Variants in DLGAP1 observed in about 807,000 individuals in gnomAD.
DLGAP1 encodes disks large-associated protein 1.
In DLGAP1, 11 loss-of-function variants were observed where a neutral mutation model predicts 90.8. That is an observed-to-expected ratio of 0.12 (90% CI 0.08 to 0.20). The LOEUF is 0.20. DLGAP1 is among the 10% of genes least tolerant of loss of function. DLGAP1 has a pLI of 1.00. For missense variants in DLGAP1, 1,050 were observed against 1,333.8 expected (o/e 0.79, Z 3.31); for synonymous variants, 558 against 540.7 (o/e 1.03, Z -0.44).
At chr18:3,531,546 C>T (rs925749895) in intron 10 of DLGAP1, among the ~76,000 whole-genome samples, 1 of 152,102 alleles carries the variant, frequency 6.6e-6, no homozygotes, top group East Asian at 1.9e-4. Flanking sequence ...GCAGTAGCTG[C>T]GATCTCTGTT....
At chr18:4,334,036 C>T (rs950473370) in intron 1 of DLGAP1, among the ~76,000 whole-genome samples, 4 of 151,476 alleles carry the variant, frequency 2.6e-5, no homozygotes, top group East Asian at 2.0e-4. Context: ...GCCAGGAGTT[C>T]GAGACCAGCC....
intron 3 of DLGAP1, among the ~76,000 whole-genome samples, chr18:3,940,474 T>A (rs1331123349): frequency 6.6e-6 from 1 of 152,232 alleles, no homozygotes; most frequent in Non-Finnish European, 1.5e-5. Context: ...TCTGTACTCT[T>A]TCCTTCAGAA....
chr18:4,247,586 C>T (rs747737697), intron 1 of DLGAP1, among the ~76,000 whole-genome samples: 1 of 151,910 alleles, frequency 6.6e-6, no homozygotes, highest in Non-Finnish European at 1.5e-5. Flanking sequence ...GACCAGTCTG[C>T]CCAACATGGC....
At chr18:4,261,790 T>C (rs1397235637) in intron 1 of DLGAP1, among the ~76,000 whole-genome samples, 1 of 152,154 alleles carries the variant, frequency 6.6e-6, no homozygotes, top group Non-Finnish European at 1.5e-5. Context: ...TAAATGAACT[T>C]CCTTAATCAC....
At chr18:4,242,634 G>A (rs543596310) in intron 1 of DLGAP1, among the ~76,000 whole-genome samples, 3 of 152,280 alleles carry the variant, frequency 2.0e-5, no homozygotes, top group African/African-American at 7.2e-5. Context: ...GGAAGGGCAG[G>A]CAGTGGCACT....
intron 5 of DLGAP1, among the ~76,000 whole-genome samples, chr18:3,751,407 T>G (rs930122103): frequency 2.0e-5 from 3 of 151,618 alleles, no homozygotes; most frequent in Non-Finnish European, 4.4e-5. Flanking sequence ...AGCAATCCTC[T>G]CATTTCAGTC....
At chr18:4,071,906 G>A (rs944586206) in intron 2 of DLGAP1, among the ~76,000 whole-genome samples, 1 of 152,176 alleles carries the variant, frequency 6.6e-6, no homozygotes, top group Non-Finnish European at 1.5e-5. Flanking sequence ...CCCCCTCAGA[G>A]CTGTACTTCA....
chr18:3,515,503 G>A (rs1474219766), intron 10 of DLGAP1, among the ~76,000 whole-genome samples: 1 of 147,216 alleles, frequency 6.8e-6, no homozygotes, highest in East Asian at 2.0e-4. Context: ...TCAAGGCTGG[G>A]CGTGGTGGCT....
chr18:4,013,635 T>G (rs959826185), intron 2 of DLGAP1: 3 of 152,236 alleles, frequency 2.0e-5, no homozygotes, highest in African/African-American at 7.2e-5. Context: ...TTTCTCATAC[T>G]TCCGGAGAAA....
At chr18:3,650,837 G>A (rs1027088546) in intron 7 of DLGAP1, among the ~76,000 whole-genome samples, 32 of 152,292 alleles carry the variant, frequency 2.1e-4, no homozygotes, top group African/African-American at 7.5e-4. Context: ...GGGAGGCCAA[G>A]GTGGGCGGAT....
At chr18:3,600,883 TAGATATATAGATATATATAGATATA>T (rs2056934719) in intron 7 of DLGAP1, among the ~76,000 whole-genome samples, 1 of 24,076 alleles carries the variant, frequency 4.2e-5, no homozygotes, top group African/African-American at 1.5e-4. Flanking sequence ...GATATATAGA[TAGATATATAGATATATATAGATATA>T]TAGATAGATA....
In DLGAP1 at chr18:4,400,019, G is replaced by A. The variant is rs185394521; in HGVS notation, c.-267+54987C>T. On this transcript the variant is annotated intron_variant, in intron 1 of 12. Coordinates refer to ENST00000315677, the MANE Select transcript of DLGAP1 (RefSeq NM_004746.4). ...AAAAGTACAGGGATGTCAACAAATC[G>A]AGGATCTGCAGTGACACCTGCACCA... 2.5e-4 allele frequency among the ~76,000 whole-genome samples: 38 copies of A among 152,182 alleles called. 1 individual carries two copies. Among genetic ancestry groups the A allele is most frequent in the East Asian group, 1.2e-3 (6 of 5,172 alleles).
intron 1 of DLGAP1, among the ~76,000 whole-genome samples, chr18:4,372,872 G>C (rs1017015297): frequency 6.6e-6 from 1 of 151,374 alleles, no homozygotes; most frequent in African/African-American, 2.4e-5. Flanking sequence ...AGGTTGCCGT[G>C]AGCCGAGATC....
chr18:3,825,687 A>T lies in DLGAP1; in HGVS notation c.958-11414T>A, dbSNP rs2067672488. The stretch of plus-strand genomic sequence containing the variant: ...ACAGGTGCTATTTTAGGTACTGGGG[A>T]TACCGCAATTCACAGGCAGAGAAAA... On this transcript the variant is annotated intron_variant, in intron 4 of 12. Transcript: ENST00000315677. Among the ~76,000 whole-genome samples the T allele has an allele frequency of 2.0e-5, 3 of 152,162 alleles. No individual in the cohort carries two copies. The South Asian group carries it at 6.2e-4, about 32-fold the overall frequency.
intron 2 of DLGAP1, among the ~76,000 whole-genome samples, chr18:4,139,570 G>C (rs1242172580): frequency 6.6e-6 from 1 of 151,930 alleles, no homozygotes; most frequent in Non-Finnish European, 1.5e-5. Context: ...CATGTGCTGA[G>C]GAGGAGAATG....
At chr18:3,905,213 A>G (rs61072741) in intron 3 of DLGAP1, among the ~76,000 whole-genome samples, 2 of 151,084 alleles carry the variant, frequency 1.3e-5, no homozygotes, top group African/African-American at 4.9e-5. Flanking sequence ...TAAAAATACA[A>G]AAAATTAGCT....
At chr18:4,340,840 T>C (rs1240289795) in intron 1 of DLGAP1, among the ~76,000 whole-genome samples, 2 of 152,126 alleles carry the variant, frequency 1.3e-5, no homozygotes, top group Admixed American at 1.3e-4. Flanking sequence ...ATGTTCACTT[T>C]CAGGTTTGGA....
intron 4 of DLGAP1, among the ~76,000 whole-genome samples, chr18:3,871,476 T>C (rs972835223): frequency 1.6e-4 from 24 of 152,272 alleles, no homozygotes; most frequent in Middle Eastern, 3.4e-3. Context: ...AGGGAGGAGT[T>C]AGACAATCTT....
intron 8 of DLGAP1, among the ~76,000 whole-genome samples, chr18:3,571,840 T>C (rs1018396772): frequency 9.8e-5 from 15 of 152,302 alleles, no homozygotes; most frequent in African/African-American, 3.4e-4. Context: ...GGAGGTCTTA[T>C]ATTTTATGTA....
Sources: gnomAD v4.1 joint callset for allele counts (sites outside exome capture counted in the v4.1 genomes callset) on GRCh38, gnomAD v4.1.1 for gene constraint, MANE v1.5 for transcripts, NCBI Gene and HGNC (gene_info 2026-07-23, HGNC 2026-07-21) for gene names.